CORO7: variants seen among roughly 807,000 people sequenced by gnomAD.
CORO7 encodes coronin 7.
A neutral mutation model predicts 126.6 loss-of-function variants in CORO7; 107 were observed. The observed-to-expected ratio is 0.85, with a 90% confidence interval of 0.72 to 0.99. The LOEUF (loss-of-function observed/expected upper bound fraction) is 0.99. CORO7 is among the 50% of genes least tolerant of loss of function. CORO7 has a pLI of 0.00. For missense variants in CORO7, 1,314 were observed against 1,255.8 expected (o/e 1.05, Z -0.70); for synonymous variants, 603 against 536.8 (o/e 1.12, Z -1.70).
chr16:4,372,506 G>C (rs1284668263), intron 9 of CORO7, among the ~76,000 whole-genome samples: 1 of 152,184 alleles, frequency 6.6e-6, no homozygotes, highest in Non-Finnish European at 1.5e-5. Context: ...GCTGGTGGGC[G>C]TCCGATGCCC....
At chr16:4,411,638 A>G (rs1372758998) in intron 3 of CORO7, among the ~76,000 whole-genome samples, 1 of 152,092 alleles carries the variant, frequency 6.6e-6, no homozygotes, top group Non-Finnish European at 1.5e-5. Context: ...ATTGTTATTA[A>G]CCACCATCAT....
chr16:4,377,203 C>A (rs779317451), intron 9 of CORO7, among the ~76,000 whole-genome samples: 1 of 152,112 alleles, frequency 6.6e-6, no homozygotes, highest in Non-Finnish European at 1.5e-5. Flanking sequence ...CAGACCCTTG[C>A]GTCATCTTCC....
intron 9 of CORO7, among the ~76,000 whole-genome samples, chr16:4,367,600 G>C (rs1367308857): frequency 6.6e-6 from 1 of 152,156 alleles, no homozygotes; most frequent in African/African-American, 2.4e-5. Flanking sequence ...AGGGGGACTG[G>C]GCCTCAGCAG....
At chr16:4,381,101 T>C in intron 9 of CORO7, 1 of 1,607,942 alleles carries the variant, frequency 6.2e-7, no homozygotes, top group South Asian at 1.1e-5. Flanking sequence ...TTTGCCGGCC[T>C]GCCGGGCCTG....
At chr16:4,383,741 C>G (rs760912287) in intron 9 of CORO7, among the ~76,000 whole-genome samples, 2 of 152,206 alleles carry the variant, frequency 1.3e-5, no homozygotes, top group African/African-American at 2.4e-5. Flanking sequence ...AAGAACGGGT[C>G]AGGGAGCCTC....
intron 1 of CORO7, 135 bp from the exon 2 acceptor site, chr16:4,413,539 A>AC (rs2056293133): frequency 1.3e-6 from 1 of 792,510 alleles, no homozygotes; most frequent in Non-Finnish European, 1.9e-6. Flanking sequence ...TCTTTTATTT[A>AC]CTTTTTTTTT....
At chr16:4,387,868 G>C in intron 9 of CORO7, 118 bp downstream of exon 9, 6 of 1,311,072 alleles carry the variant, frequency 4.6e-6, no homozygotes, top group Non-Finnish European at 6.4e-6. Flanking sequence ...GCCCAGATCA[G>C]GTACCCCAGA....
At chr16:4,405,924 A>G (rs558811398) in intron 5 of CORO7, among the ~76,000 whole-genome samples, 16 of 152,156 alleles carry the variant, frequency 1.1e-4, no homozygotes, top group Non-Finnish European at 2.2e-4. Flanking sequence ...CGCTAGTGTG[A>G]GGTCTTAAAA....
At chr16:4,368,305 C>G (rs966035322) in intron 9 of CORO7, among the ~76,000 whole-genome samples, 2 of 151,896 alleles carry the variant, frequency 1.3e-5, no homozygotes, top group Non-Finnish European at 2.9e-5. Flanking sequence ...CGAGATGGCA[C>G]CAATGCATTC....
rs1445691573 is a variant in CORO7, at chr16:4,393,767, G to A, written c.615+1522C>T. On this transcript the variant is annotated intron_variant, in intron 7 of 27. Transcript: ENST00000251166. Reference sequence around the variant, plus strand: ...GGACCCTAAACTTCACCTTCCTCAGGGAATAAGCCTCCTCAGCTTCTAGAA... The same window carrying A: ...GGACCCTAAACTTCACCTTCCTCAGAGAATAAGCCTCCTCAGCTTCTAGAA... 5.3e-5 allele frequency among the ~76,000 whole-genome samples: 8 copies of A among 152,250 alleles called. 1 individual carries two copies. In the South Asian group the frequency reaches 1.2e-3, roughly 24 times the overall value.
intron 6 of CORO7, among the ~76,000 whole-genome samples, chr16:4,397,670 G>GT (rs1457571875): frequency 2.6e-5 from 4 of 152,040 alleles, no homozygotes; most frequent in African/African-American, 9.7e-5. Flanking sequence ...CTGGAGTGCA[G>GT]TGGCGCGATC....
At chr16:4,399,426 G>A (rs2055721098) in intron 6 of CORO7, among the ~76,000 whole-genome samples, 1 of 152,194 alleles carries the variant, frequency 6.6e-6, no homozygotes, top group African/African-American at 2.4e-5. Context: ...GGCATCTAAA[G>A]TAGTCAAATT....
At chr16:4,381,784 G>C in intron 9 of CORO7, 1 of 1,600,832 alleles carries the variant, frequency 6.2e-7, no homozygotes, top group Non-Finnish European at 8.5e-7. Flanking sequence ...CTTCAACTGC[G>C]TGTGCCCCCT....
chr16:4,358,826 T>C (rs573652316), intron 23 of CORO7: 25 of 302,324 alleles, frequency 8.3e-5, no homozygotes, highest in Admixed American at 5.5e-4. Flanking sequence ...GCACAAATAA[T>C]AGTAAAATTG....
intron 7 of CORO7, among the ~76,000 whole-genome samples, chr16:4,390,619 C>A (rs1378402618): frequency 6.6e-6 from 1 of 152,170 alleles, no homozygotes; most frequent in Non-Finnish European, 1.5e-5. Flanking sequence ...CTGCAGGGTC[C>A]CCCAGGGGCT....
chr16:4,379,512 T>C (rs745642820), intron 9 of CORO7, among the ~76,000 whole-genome samples: 8 of 152,122 alleles, frequency 5.3e-5, no homozygotes, highest in Non-Finnish European at 1.2e-4. Context: ...ACACCTGGGC[T>C]CTAGCTCGGA....
At chr16:4,414,322 C>T (rs1279803374) in intron 1 of CORO7, 2 of 152,192 alleles carry the variant, frequency 1.3e-5, no homozygotes, top group Non-Finnish European at 2.9e-5. Flanking sequence ...CACAAAGTCT[C>T]ATAAGTCAGT....
chr16:4,364,245 G>A (rs1224484522), intron 14 of CORO7, 31 bp downstream of exon 14: 2 of 1,511,222 alleles, frequency 1.3e-6, no homozygotes, highest in Non-Finnish European at 1.8e-6. Flanking sequence ...CAGTGTCGCT[G>A]AGGGAGGATG....
At chr16:4,366,535 C>CTTTT (rs544549233) in intron 9 of CORO7, among the ~76,000 whole-genome samples, 28 of 114,358 alleles carry the variant, frequency 2.4e-4, no homozygotes, top group African/African-American at 9.4e-4. Context: ...CTGATCTTTG[C>CTTTT]TTTTTTTTTT....
Sources: allele counts gnomAD v4.1 joint callset (sites outside exome capture counted in the v4.1 genomes callset), GRCh38; gene constraint gnomAD v4.1.1; transcripts MANE v1.5; gene names NCBI Gene and HGNC (gene_info 2026-07-23, HGNC 2026-07-21).